SHISA6: variants seen among roughly 807,000 people sequenced by gnomAD.
SHISA6 encodes the protein shisa family member 6, also known as protein shisa-6.
Under a neutral mutation model 47.9 loss-of-function variants are expected in SHISA6, and 22 were observed. That is an observed-to-expected ratio of 0.46 (90% CI 0.33 to 0.66). The LOEUF is 0.66. Among genes scored for constraint, SHISA6 ranks in the 30% least tolerant of loss-of-function variants. The pLI is 0.02. For synonymous variants in SHISA6, 388 were observed against 337.8 expected (o/e 1.15, Z -1.63); for missense variants, 680 against 764.6 (o/e 0.89, Z 1.30).
At chr17:11,546,961 G>A (rs2071888801) in intron 3 of SHISA6, among the ~76,000 whole-genome samples, 1 of 152,130 alleles carries the variant, frequency 6.6e-6, no homozygotes, top group African/African-American at 2.4e-5. Context: ...GACAGAAAGG[G>A]TTATTTAATG....
intron 3 of SHISA6, among the ~76,000 whole-genome samples, chr17:11,526,917 ATATATATATATATATATATT>A (rs980646520): frequency 1.3e-4 from 3 of 23,814 alleles, no homozygotes; most frequent in African/African-American, 3.9e-4. Flanking sequence ...ATATATATAT[ATATATATATATATATATATT>A]ATAATGATCA....
At chr17:11,478,845 C>T (rs1028598985) in intron 3 of SHISA6, among the ~76,000 whole-genome samples, 2 of 142,282 alleles carry the variant, frequency 1.4e-5, no homozygotes, top group Non-Finnish European at 3.0e-5. Context: ...AGTTTGAAGT[C>T]AGGTAGTGTG....
intron 3 of SHISA6, among the ~76,000 whole-genome samples, chr17:11,532,502 C>T (rs2071744225): frequency 6.6e-6 from 1 of 152,164 alleles, no homozygotes; most frequent in South Asian, 2.1e-4. Context: ...TGTGTGCGCG[C>T]ACGCGCGTAT....
intron 4 of SHISA6, among the ~76,000 whole-genome samples, chr17:11,555,364 C>G (rs1195820911): frequency 1.3e-5 from 2 of 152,092 alleles, no homozygotes; most frequent in Admixed American, 6.5e-5. Flanking sequence ...TTGCCTAAAG[C>G]TATTAGGAAA....
At chr17:11,406,108 G>A (rs1271017973) in intron 3 of SHISA6, among the ~76,000 whole-genome samples, 4 of 152,158 alleles carry the variant, frequency 2.6e-5, no homozygotes, top group Admixed American at 6.5e-5. Flanking sequence ...ATTCTCAGTT[G>A]TTGGTTAATG....
chr17:11,278,780 C>T (rs1305754001), intron 2 of SHISA6, among the ~76,000 whole-genome samples: 8 of 152,210 alleles, frequency 5.3e-5, no homozygotes, highest in South Asian at 2.1e-4. Flanking sequence ...GATTTATCAC[C>T]GTGGCTTAGA....
At chr17:11,480,536 G>T (rs1916183329) in intron 3 of SHISA6, among the ~76,000 whole-genome samples, 1 of 152,078 alleles carries the variant, frequency 6.6e-6, no homozygotes, top group Non-Finnish European at 1.5e-5. Context: ...CCCCCTTTCT[G>T]GTAGGTTCTC....
intron 2 of SHISA6, among the ~76,000 whole-genome samples, chr17:11,299,144 C>G (rs889802257): frequency 6.6e-6 from 1 of 152,180 alleles, no homozygotes; most frequent in Non-Finnish European, 1.5e-5. Context: ...GGATGGACCA[C>G]ATTTCTTCAT....
chr17:11,272,401 G>C (rs1393343478), intron 2 of SHISA6, among the ~76,000 whole-genome samples: 4 of 152,116 alleles, frequency 2.6e-5, no homozygotes, highest in African/African-American at 9.7e-5. Context: ...CTGGTCCTTG[G>C]TGGCATCCTG....
intron 2 of SHISA6, among the ~76,000 whole-genome samples, chr17:11,318,478 C>A (rs748631508): frequency 1.4e-4 from 22 of 152,146 alleles, no homozygotes; most frequent in Non-Finnish European, 4.4e-5. Flanking sequence ...ATCTGCCACC[C>A]CCTAGGAGGT....
intron 3 of SHISA6, among the ~76,000 whole-genome samples, chr17:11,512,326 T>TC: frequency 6.6e-6 from 1 of 152,298 alleles, no homozygotes; most frequent in South Asian, 2.1e-4. Context: ...TTGCCTTAGC[T>TC]CCCCGTACAG....
At chr17:11,388,765 A>G (rs1201473417) in intron 3 of SHISA6, among the ~76,000 whole-genome samples, 1 of 128,948 alleles carries the variant, frequency 7.8e-6, no homozygotes, top group Non-Finnish European at 1.6e-5. Context: ...TTTATCTTCA[A>G]CAGAACTACT....
At chr17:11,413,612 G>T (rs1282184816) in intron 3 of SHISA6, among the ~76,000 whole-genome samples, 1 of 152,118 alleles carries the variant, frequency 6.6e-6, no homozygotes, top group Non-Finnish European at 1.5e-5. Context: ...GTTCTTGGAG[G>T]TTGGCAGACT....
At chr17:11,245,454 A>G (rs1907540112) in intron 1 of SHISA6, among the ~76,000 whole-genome samples, 1 of 152,210 alleles carries the variant, frequency 6.6e-6, no homozygotes, top group Non-Finnish European at 1.5e-5. Flanking sequence ...CGCCAAGGGC[A>G]TGGGCTGCAC....
chr17:11,457,287 T>G (rs1915566635), intron 3 of SHISA6, among the ~76,000 whole-genome samples: 2 of 152,198 alleles, frequency 1.3e-5, no homozygotes, highest in Admixed American at 1.3e-4. Flanking sequence ...TTGATCCTAA[T>G]CCATCAATCC....
chr17:11,261,649 T>TAAAAA (rs1467294023), intron 1 of SHISA6, among the ~76,000 whole-genome samples: 1 of 152,244 alleles, frequency 6.6e-6, no homozygotes, highest in Non-Finnish European at 1.5e-5. Context: ...ATGCCTTTTT[T>TAAAAA]AAATGACTGA....
At chr17:11,434,670 G>C (rs1567605156) in intron 3 of SHISA6, among the ~76,000 whole-genome samples, 1 of 152,098 alleles carries the variant, frequency 6.6e-6, no homozygotes, top group Non-Finnish European at 1.5e-5. Flanking sequence ...ACTTACATAA[G>C]ACATATAAGT....
chr17:11,465,899 T>C (rs980778089), intron 3 of SHISA6, among the ~76,000 whole-genome samples: 3 of 152,150 alleles, frequency 2.0e-5, no homozygotes, highest in African/African-American at 7.2e-5. Context: ...AGAGACTCAG[T>C]AGAGACTTAG....
At chr17:11,325,073 T>G (rs1002511606) in intron 2 of SHISA6, among the ~76,000 whole-genome samples, 3 of 152,208 alleles carry the variant, frequency 2.0e-5, no homozygotes, top group Non-Finnish European at 4.4e-5. Flanking sequence ...AAAATCATTC[T>G]GAGAAATGTG....
Sources: gnomAD v4.1 joint callset for allele counts (sites outside exome capture counted in the v4.1 genomes callset) on GRCh38, gnomAD v4.1.1 for gene constraint, MANE v1.5 for transcripts, NCBI Gene and HGNC (gene_info 2026-07-23, HGNC 2026-07-21) for gene names.